EIF3H: variants seen among roughly 807,000 people sequenced by gnomAD.
The protein encoded by EIF3H is eukaryotic translation initiation factor 3 subunit H.
EIF3H carries 26 observed loss-of-function variants against 44.2 expected under a neutral mutation model. The ratio of observed to expected loss-of-function variants is 0.59; its 90% CI spans 0.43 to 0.82. The LOEUF is 0.82. Among genes scored for constraint, EIF3H ranks in the 40% least tolerant of loss-of-function variants. The pLI is 0.00. For synonymous variants in EIF3H, 166 were observed against 151.9 expected (o/e 1.09, Z -0.68); for missense variants, 359 against 432.8 (o/e 0.83, Z 1.51).
intron 2 of EIF3H, among the ~76,000 whole-genome samples, chr8:116,681,847 A>G (rs929177229): frequency 1.3e-5 from 2 of 152,196 alleles, no homozygotes; most frequent in Non-Finnish European, 2.9e-5. Flanking sequence ...CTAAAAGTTC[A>G]CAGAGAGTAC....
At chr8:116,749,930 A>C (rs1052472858) in intron 1 of EIF3H, among the ~76,000 whole-genome samples, 1 of 152,304 alleles carries the variant, frequency 6.6e-6, no homozygotes, top group Non-Finnish European at 1.5e-5. Flanking sequence ...GTTCAAAAAT[A>C]CAAGAAAAAT....
intron 1 of EIF3H, among the ~76,000 whole-genome samples, chr8:116,752,497 T>A (rs765085516): frequency 1.3e-5 from 2 of 151,718 alleles, no homozygotes; most frequent in Non-Finnish European, 2.9e-5. Flanking sequence ...TTTATCATCA[T>A]CCCCATTTTA....
chr8:116,689,015 G>T, intron 2 of EIF3H: 1 of 403,312 alleles, frequency 2.5e-6, no homozygotes, highest in Non-Finnish European at 5.0e-6. Flanking sequence ...ATTTACAGCA[G>T]CATTATTCAT....
intron 2 of EIF3H, among the ~76,000 whole-genome samples, chr8:116,725,708 T>C (rs1814823706): frequency 6.6e-6 from 1 of 152,208 alleles, no homozygotes; most frequent in Non-Finnish European, 1.5e-5. Context: ...AGGATGATCT[T>C]TGTCCCTCAA....
At chr8:116,662,929 T>C (rs1813605804) in intron 2 of EIF3H, among the ~76,000 whole-genome samples, 1 of 152,218 alleles carries the variant, frequency 6.6e-6, no homozygotes, top group African/African-American at 2.4e-5. Context: ...CTTTTGTGGC[T>C]ATGCTAGTTT....
chr8:116,761,370 G>A (rs1815517694), intron 1 of EIF3H, among the ~76,000 whole-genome samples: 1 of 152,142 alleles, frequency 6.6e-6, no homozygotes, highest in Non-Finnish European at 1.5e-5. Flanking sequence ...AAATCAGCCA[G>A]GCGTGGTGGT....
At chr8:116,712,733 G>A (rs1217872675) in intron 2 of EIF3H, among the ~76,000 whole-genome samples, 1 of 152,074 alleles carries the variant, frequency 6.6e-6, no homozygotes, top group Non-Finnish European at 1.5e-5. Context: ...AATTTCACCT[G>A]AAGAGAGATG....
At chr8:116,707,556 C>T (rs1007749207) in intron 2 of EIF3H, among the ~76,000 whole-genome samples, 5 of 32,456 alleles carry the variant, frequency 1.5e-4, no homozygotes, top group African/African-American at 2.5e-4. Context: ...ATATCTCATA[C>T]GTGAGATACT....
intron 2 of EIF3H, among the ~76,000 whole-genome samples, chr8:116,704,198 T>C (rs1814430189): frequency 6.6e-6 from 1 of 152,180 alleles, no homozygotes; most frequent in Non-Finnish European, 1.5e-5. Context: ...TTCCATACAT[T>C]GTAGCAAAGG....
rs191054476 is a variant in EIF3H at position 116,693,633 on chromosome 8, C to G, written c.289+32383G>C. 3.0e-4 allele frequency among the ~76,000 whole-genome samples: 46 copies of G among 152,188 alleles called. 1 individual carries two copies. In the East Asian group the frequency reaches 8.7e-3, roughly 29 times the overall value. On this transcript the variant is annotated intron_variant, in intron 2 of 7. Transcript: ENST00000521861. ...CAGACTGAAAACTAGGTCTCCCTCC[C>G]ACTGGTATCTCTCTCATACAGAGGT...
At chr8:116,754,513 CATA>C (rs1410228693) in intron 1 of EIF3H, among the ~76,000 whole-genome samples, 1 of 152,220 alleles carries the variant, frequency 6.6e-6, no homozygotes, top group Non-Finnish European at 1.5e-5. Context: ...ACATTAAACT[CATA>C]ATAATAATCA....
intron 2 of EIF3H, among the ~76,000 whole-genome samples, chr8:116,677,020 C>T (rs1459677981): frequency 3.3e-5 from 5 of 152,008 alleles, no homozygotes; most frequent in Admixed American, 1.3e-4. Flanking sequence ...ATAACATACA[C>T]AAATTTATCC....
At chr8:116,655,192 G>A (rs1813469388) in intron 5 of EIF3H, among the ~76,000 whole-genome samples, 1 of 151,604 alleles carries the variant, frequency 6.6e-6, no homozygotes, top group Non-Finnish European at 1.5e-5. Flanking sequence ...AGATGAGGGG[G>A]AAATAAACAT....
chr8:116,733,071 C>G (rs1278830313), intron 1 of EIF3H, among the ~76,000 whole-genome samples: 1 of 152,150 alleles, frequency 6.6e-6, no homozygotes, highest in Non-Finnish European at 1.5e-5. Flanking sequence ...GGAGTTCCCA[C>G]AAAACCCTCC....
chr8:116,752,736 A>G (rs112209349), intron 1 of EIF3H, among the ~76,000 whole-genome samples: 4,094 of 86,976 alleles, frequency 0.047, 237 homozygotes, highest in East Asian at 0.31. Context: ...AAGAAAGAAG[A>G]GAAAGAAAGA....
chr8:116,735,605 G>C (rs981161480), intron 1 of EIF3H, among the ~76,000 whole-genome samples: 1 of 152,100 alleles, frequency 6.6e-6, no homozygotes, highest in African/African-American at 2.4e-5. Context: ...TGGAATAGTT[G>C]CATTTTCAAC....
intron 2 of EIF3H, among the ~76,000 whole-genome samples, chr8:116,662,699 A>C (rs995870926): frequency 1.3e-5 from 2 of 152,166 alleles, no homozygotes; most frequent in Non-Finnish European, 2.9e-5. Flanking sequence ...CCTAAGTAGG[A>C]ATACGAAATG....
At chr8:116,663,489 G>A (rs1025012821) in intron 2 of EIF3H, among the ~76,000 whole-genome samples, 3 of 152,144 alleles carry the variant, frequency 2.0e-5, no homozygotes, top group African/African-American at 4.8e-5. Context: ...AATGGCAAGA[G>A]GATAATCCTC....
intron 1 of EIF3H, among the ~76,000 whole-genome samples, chr8:116,764,252 T>C (rs1460998056): frequency 6.6e-6 from 1 of 152,200 alleles, no homozygotes; most frequent in African/African-American, 2.4e-5. Context: ...TCAATGAATA[T>C]TAAATATTTT....
Sources: gnomAD v4.1 joint callset for allele counts (sites outside exome capture counted in the v4.1 genomes callset) on GRCh38, gnomAD v4.1.1 for gene constraint, MANE v1.5 for transcripts, NCBI Gene and HGNC (gene_info 2026-07-23, HGNC 2026-07-21) for gene names.